FYTTD1: variants seen among roughly 807,000 people sequenced by gnomAD.
The protein encoded by FYTTD1 is UAP56-interacting factor.
In FYTTD1, 22 loss-of-function variants were observed where a neutral mutation model predicts 40.9. The ratio of observed to expected loss-of-function variants is 0.54; its 90% CI spans 0.38 to 0.77. FYTTD1 has a LOEUF of 0.77. FYTTD1 is among the 30% of genes least tolerant of loss of function. The probability of loss-of-function intolerance (pLI) is 0.00; values close to 1 mark genes in which losing one functional copy is unlikely to be tolerated. For missense variants in FYTTD1, 351 were observed against 392.2 expected, an observed-to-expected ratio of 0.90 and a Z score of 0.89; for synonymous variants, 140 against 137.9, an observed-to-expected ratio of 1.01 and a Z score of -0.10.
chr3:197,750,084 C>T lies in FYTTD1; in HGVS notation c.103+10C>T, dbSNP rs769643926. The T allele has an allele frequency of 2.6e-6, 4 of 1,541,888 alleles. No individual in the cohort carries two copies. Among genetic ancestry groups the T allele is most frequent in the Non-Finnish European group, 1.8e-6 (2 of 1,139,652 alleles). ...ATAGATATGTCTTTGGGTGAGGGGCCGAGTTGGACCGAGTTGGAGTGCGGG... is the reference window on the plus strand; with the variant it reads ...ATAGATATGTCTTTGGGTGAGGGGCTGAGTTGGACCGAGTTGGAGTGCGGG... On this transcript the variant is annotated intron_variant, in intron 1 of 8. Coordinates refer to ENST00000241502, the MANE Select transcript of FYTTD1 (RefSeq NM_032288.7).
upstream of FYTTD1, chr3:197,749,538 C>T (rs1188283646): frequency 7.7e-7 from 1 of 1,290,808 alleles, no homozygotes; most frequent in Admixed American, 2.3e-5. Context: ...CCCGAGGCTG[C>T]GTTGCGGTGG....
At chr3:197,759,895 A>G (rs533697821) in intron 2 of FYTTD1, among the ~76,000 whole-genome samples, 3 of 147,888 alleles carry the variant, frequency 2.0e-5, no homozygotes, top group African/African-American at 7.8e-5. Flanking sequence ...TAGAATGTAT[A>G]GGGTGTTCCT....
At chr3:197,749,711 C>T, upstream of FYTTD1, 1 of 632,700 alleles carries the variant, frequency 1.6e-6, no homozygotes, top group Non-Finnish European at 2.9e-6. Flanking sequence ...CAACGGCGGT[C>T]CTCGCGAGCG....
chr3:197,783,575 A>G lies in FYTTD1; in HGVS notation c.*1666A>G, dbSNP rs1730085319. The G allele has an allele frequency of 1.3e-5, 2 of 152,662 alleles. No homozygotes were observed. Among genetic ancestry groups the G allele is most frequent in the African/African-American group, 4.8e-5 (2 of 41,466 alleles). The allele number at this position is 152,662 out of a possible 1,614,324, so 9.5% of individuals were successfully genotyped here. A position where few individuals can be genotyped will look rare whatever the true frequency, so the allele number is the denominator to read the frequency against. ...GTCACAGAATTTGGAAATAAATTCTAGTCTCTCCTTAGCTATTTGATGCTT... is the reference window on the plus strand; with the variant it reads ...GTCACAGAATTTGGAAATAAATTCTGGTCTCTCCTTAGCTATTTGATGCTT... On this transcript the variant is annotated 3_prime_UTR_variant, in exon 9 of 9. Coordinates refer to ENST00000241502, the MANE Select transcript of FYTTD1 (RefSeq NM_032288.7).
At chr3:197,770,087 T>C in intron 3 of FYTTD1, 45 bp from the exon 4 acceptor site, 2 of 1,143,156 alleles carry the variant, frequency 1.7e-6, no homozygotes, top group Non-Finnish European at 2.6e-6. Context: ...GTAGAGTATA[T>C]AGAAAAATGC....
In FYTTD1 at chr3:197,750,399, C is replaced by T. The variant is rs918902284; in HGVS notation, c.103+325C>T. On this transcript the variant is annotated intron_variant, in intron 1 of 8. Transcript: ENST00000241502. ...TCTCCCCGGAGGGGCTACGGCTCGC[C>T]GCTCGCCGGCTCTTTGTGAGGAAAG... The T allele has an allele frequency of 5.6e-6, 6 of 1,063,990 alleles. No homozygotes were observed. The African/African-American group carries it at 8.3e-5, about 15-fold the overall frequency. The allele number at this position is 1,063,990 out of a possible 1,614,324, so 65.9% of individuals were successfully genotyped here.
chr3:197,775,634 A>G (rs1045457188), intron 6 of FYTTD1, among the ~76,000 whole-genome samples: 1 of 152,246 alleles, frequency 6.6e-6, no homozygotes, highest in African/African-American at 2.4e-5. Context: ...ACCTGTGGAT[A>G]CAGAGAGCTG....
chr3:197,755,050 C>G (rs1425803287), intron 1 of FYTTD1, among the ~76,000 whole-genome samples: 1 of 152,094 alleles, frequency 6.6e-6, no homozygotes, highest in Admixed American at 6.5e-5. Context: ...CTGGTCTTCA[C>G]CTTGTTCTGT....
At position 197,756,354 on chromosome 3, in the gene FYTTD1, A is replaced by G. The variant is rs1729214189; in HGVS notation, c.104-72A>G. 6.6e-6 allele frequency: 7 copies of G among 1,068,380 alleles called. No homozygotes were observed. In the East Asian group the frequency reaches 1.5e-4, roughly 23 times the overall value. 66.2% of individuals were successfully genotyped at this position (1,068,380 alleles called of 1,614,324 possible). On this transcript the variant is annotated intron_variant, in intron 1 of 8. Coordinates refer to ENST00000241502, the MANE Select transcript of FYTTD1 (RefSeq NM_032288.7). ...AAGAAGTTAGGAACGTAGGACATCT[A>G]TCAGCTAGAAAACGAAACTGAGTAA...
chr3:197,752,396 G>A (rs558204385), intron 1 of FYTTD1, among the ~76,000 whole-genome samples: 283 of 152,232 alleles, frequency 1.9e-3, no homozygotes, highest in Non-Finnish European at 2.6e-3. Flanking sequence ...TGAGTCAGAA[G>A]GCATATGTGA....
At chr3:197,772,896 A>G (rs1729759199) in intron 4 of FYTTD1, among the ~76,000 whole-genome samples, 1 of 152,226 alleles carries the variant, frequency 6.6e-6, no homozygotes, top group Admixed American at 6.5e-5. Flanking sequence ...GGTGTGAGCC[A>G]TAATGCCTGG....
At chr3:197,766,298 A>G (rs1260901336) in intron 2 of FYTTD1, among the ~76,000 whole-genome samples, 4 of 152,212 alleles carry the variant, frequency 2.6e-5, no homozygotes, top group African/African-American at 9.7e-5. Context: ...ATTTATAATT[A>G]GAACTAACTG....
chr3:197,778,526 T>C, intron 8 of FYTTD1, 62 bp downstream of exon 8: 1 of 1,169,192 alleles, frequency 8.6e-7, no homozygotes, highest in Non-Finnish European at 1.2e-6. Context: ...TAACAAAGTA[T>C]TTATTATAAT....
At chr3:197,770,350 T>A in intron 4 of FYTTD1, 106 bp downstream of exon 4, 3 of 693,846 alleles carry the variant, frequency 4.3e-6, no homozygotes, top group Non-Finnish European at 7.6e-6. Context: ...ATCTGGTCAT[T>A]TTCAAGACAG....
intron 8 of FYTTD1, 24 bp downstream of exon 8, chr3:197,778,488 T>C (rs1729938634): frequency 1.3e-6 from 2 of 1,542,296 alleles, no homozygotes; most frequent in East Asian, 2.3e-5. Context: ...TTCTGTATTT[T>C]CTTGGGTCAT....
intron 6 of FYTTD1, among the ~76,000 whole-genome samples, chr3:197,774,637 C>T (rs1418203346): frequency 6.6e-6 from 1 of 150,502 alleles, no homozygotes; most frequent in Non-Finnish European, 1.5e-5. Flanking sequence ...ATGACCAGTG[C>T]ACACCATCCT....
At chr3:197,776,241 T>A (rs1729869801) in intron 6 of FYTTD1, among the ~76,000 whole-genome samples, 4 of 151,148 alleles carry the variant, frequency 2.6e-5, no homozygotes, top group Admixed American at 2.6e-4. Context: ...AGTCTCGCTC[T>A]GTTGCCCAGG....
intron 1 of FYTTD1, among the ~76,000 whole-genome samples, chr3:197,753,099 A>G (rs1432319027): frequency 6.6e-6 from 1 of 152,074 alleles, no homozygotes; most frequent in Non-Finnish European, 1.5e-5. Context: ...CAGTCCCTCT[A>G]TTGCCTTTCT....
chr3:197,752,706 GT>G (rs1055070120), intron 1 of FYTTD1, among the ~76,000 whole-genome samples: 4 of 151,716 alleles, frequency 2.6e-5, no homozygotes, highest in Non-Finnish European at 5.9e-5. Flanking sequence ...ACATATATGT[GT>G]GTATGTCTAT....
Sources: allele counts gnomAD v4.1 joint callset (sites outside exome capture counted in the v4.1 genomes callset), GRCh38; gene constraint gnomAD v4.1.1; transcripts MANE v1.5; gene names NCBI Gene and HGNC (gene_info 2026-07-23, HGNC 2026-07-21).